ARHGAP20: variants seen among roughly 807,000 people sequenced by gnomAD.
ARHGAP20 encodes the protein rho GTPase-activating protein 20.
A neutral mutation model predicts 73.7 loss-of-function variants in ARHGAP20; 34 were observed. The observed-to-expected ratio is 0.46, with a 90% CI of 0.35 to 0.61. The LOEUF is 0.61. ARHGAP20 is among the 20% of genes least tolerant of loss of function. ARHGAP20 has a pLI of 0.00. For missense variants in ARHGAP20, 1,314 were observed against 1,420.9 expected (o/e 0.92, Z 1.21); for synonymous variants, 523 against 518.2 (o/e 1.01, Z -0.13).
chr11:110,596,486 G>A (rs1947964509), intron 9 of ARHGAP20, among the ~76,000 whole-genome samples: 1 of 152,082 alleles, frequency 6.6e-6, no homozygotes, highest in Non-Finnish European at 1.5e-5. Flanking sequence ...CAAAGGATAT[G>A]AACAGACACT....
At chr11:110,612,933 T>C (rs553553590) in intron 6 of ARHGAP20, among the ~76,000 whole-genome samples, 3 of 152,308 alleles carry the variant, frequency 2.0e-5, no homozygotes, top group South Asian at 2.1e-4. Context: ...CAGAGTGTCA[T>C]AGGTATGAGA....
At chr11:110,686,407 A>G (rs191308633) in intron 2 of ARHGAP20, among the ~76,000 whole-genome samples, 1 of 152,272 alleles carries the variant, frequency 6.6e-6, no homozygotes, top group East Asian at 1.9e-4. Flanking sequence ...CAAGAATTTA[A>G]AAGGAAATAC....
Position 110,614,266 on chromosome 11 carries a change from A to G in ARHGAP20, c.630+295T>C, listed in dbSNP as rs116222179. On this transcript the variant is annotated intron_variant, in intron 6 of 14. Transcript: ENST00000683387. Reference sequence around the variant, plus strand: ...AAGGATTCAGAGAAATATTCATGCCAGAGGGAGGACAGAGACATGTCACAA... The same window carrying G: ...AAGGATTCAGAGAAATATTCATGCCGGAGGGAGGACAGAGACATGTCACAA... Among the ~76,000 whole-genome samples, 611 of 152,358 alleles carry G rather than the reference A, an allele frequency of 4.0e-3. 6 individuals are homozygous for G. The highest frequency in any genetic ancestry group is 0.014 in the African/African-American group (571 of 41,578).
intron 1 of ARHGAP20, among the ~76,000 whole-genome samples, chr11:110,702,205 T>A (rs555736312): frequency 6.6e-6 from 1 of 152,226 alleles, no homozygotes; most frequent in South Asian, 2.1e-4. Flanking sequence ...GTGGGCTTCA[T>A]CCCTGGGATG....
intron 10 of ARHGAP20, among the ~76,000 whole-genome samples, chr11:110,591,316 G>A (rs1271024263): frequency 6.6e-6 from 1 of 152,174 alleles, no homozygotes; most frequent in Non-Finnish European, 1.5e-5. Context: ...GTAAACGGAT[G>A]AGATGATGAC....
At chr11:110,637,862 G>A (rs1229151757) in intron 2 of ARHGAP20, among the ~76,000 whole-genome samples, 1 of 152,070 alleles carries the variant, frequency 6.6e-6, no homozygotes, top group African/African-American at 2.4e-5. Flanking sequence ...AGGCTGAAGG[G>A]CACTTTAAGA....
intron 2 of ARHGAP20, among the ~76,000 whole-genome samples, chr11:110,657,920 GAGGAAGGAAGGAAGGAAGGA>G (rs3044293): frequency 6.0e-5 from 8 of 134,110 alleles, no homozygotes; most frequent in African/African-American, 1.2e-4. Flanking sequence ...AAAAGAGAGA[GAGGAAGGAAGGAAGGAAGGA>G]AGGAAGGAAG....
At chr11:110,692,884 G>T (rs1052818469) in intron 1 of ARHGAP20, among the ~76,000 whole-genome samples, 6 of 151,964 alleles carry the variant, frequency 3.9e-5, no homozygotes, top group African/African-American at 1.4e-4. Flanking sequence ...GGTTTGTTGA[G>T]AAATCTATAA....
rs1257156394 is a variant in ARHGAP20, at chr11:110,701,208, T to G, written c.106-10579A>C. 3.3e-5 allele frequency among the ~76,000 whole-genome samples: 5 copies of G among 151,110 alleles called. 1 individual carries two copies. Among genetic ancestry groups the G allele is most frequent in the African/African-American group, 4.9e-5 (2 of 40,434 alleles). On this transcript the variant is annotated intron_variant, in intron 1 of 14. Transcript: ENST00000683387. ...TGAACTAGTTTACAGTCCAACAGTGTAAAAGTGTTCCTATTTCTCCACATC... is the reference window on the plus strand; with the variant it reads ...TGAACTAGTTTACAGTCCAACAGTGGAAAAGTGTTCCTATTTCTCCACATC...
intron 2 of ARHGAP20, among the ~76,000 whole-genome samples, chr11:110,633,077 A>G (rs1948892066): frequency 6.6e-6 from 1 of 152,178 alleles, no homozygotes; most frequent in Non-Finnish European, 1.5e-5. Flanking sequence ...GATATTCTCC[A>G]ATGCATTCTA....
In ARHGAP20 at chr11:110,578,533, C is replaced by T. The variant is rs967818996; in HGVS notation, c.*837G>A. ...TCTTTTCCTCCATATTGAGAGTGAA[C>T]GCTGTCAGGAGGTCACCTTCTAAAT... On this transcript the variant is annotated 3_prime_UTR_variant, in exon 15 of 15. Transcript: ENST00000683387. The T allele has an allele frequency of 7.9e-5, 78 of 985,378 alleles. No individual in the cohort carries two copies. The highest frequency in any genetic ancestry group is 2.3e-4 in the South Asian group (5 of 21,280). The allele number at this position is 985,378 out of a possible 1,614,324, so 61.0% of individuals were successfully genotyped here. A position where few individuals can be genotyped will look rare whatever the true frequency, so the allele number is the denominator to read the frequency against.
intron 5 of ARHGAP20, 84 bp from the exon 6 acceptor site, chr11:110,614,729 G>T (rs1948447069): frequency 1.1e-6 from 1 of 942,030 alleles, no homozygotes; most frequent in African/African-American, 1.7e-5. Context: ...AATTTATTTT[G>T]CTAATATTTC....
intron 1 of ARHGAP20, among the ~76,000 whole-genome samples, chr11:110,700,604 T>TATA (rs1555105264): frequency 1.3e-5 from 2 of 151,950 alleles, no homozygotes; most frequent in Non-Finnish European, 2.9e-5. Flanking sequence ...TTATTATTAT[T>TATA]ATACTTTAAG....
intron 2 of ARHGAP20, among the ~76,000 whole-genome samples, chr11:110,633,535 A>AT (rs2134964783): frequency 6.6e-6 from 1 of 152,148 alleles, no homozygotes; most frequent in South Asian, 2.1e-4. Flanking sequence ...TTGACTCACC[A>AT]TTTTTTCACT....
intron 4 of ARHGAP20, among the ~76,000 whole-genome samples, chr11:110,616,533 C>G (rs1419503986): frequency 6.6e-6 from 1 of 152,090 alleles, no homozygotes; most frequent in Non-Finnish European, 1.5e-5. Context: ...GCCACAAGGC[C>G]TGGCTAATTT....
chr11:110,676,830 A>T (rs1256769524), intron 2 of ARHGAP20, among the ~76,000 whole-genome samples: 4 of 152,046 alleles, frequency 2.6e-5, no homozygotes, highest in Non-Finnish European at 4.4e-5. Context: ...TTTTTTTTAA[A>T]AAATTGACAA....
At chr11:110,631,329 C>G (rs1948856453) in intron 2 of ARHGAP20, among the ~76,000 whole-genome samples, 1 of 152,102 alleles carries the variant, frequency 6.6e-6, no homozygotes, top group South Asian at 2.1e-4. Context: ...CAAATAATTC[C>G]CTCTTGCCCC....
At chr11:110,591,228 C>T (rs1947821704) in intron 10 of ARHGAP20, among the ~76,000 whole-genome samples, 1 of 152,136 alleles carries the variant, frequency 6.6e-6, no homozygotes, top group South Asian at 2.1e-4. Flanking sequence ...GACAAGCAAT[C>T]CATGGGATCC....
chr11:110,663,941 A>G (rs1949668394), intron 2 of ARHGAP20, among the ~76,000 whole-genome samples: 1 of 152,224 alleles, frequency 6.6e-6, no homozygotes, highest in African/African-American at 2.4e-5. Flanking sequence ...CAGTCATTTT[A>G]ACATTAAAAA....
Sources: allele counts gnomAD v4.1 joint callset (sites outside exome capture counted in the v4.1 genomes callset), GRCh38; gene constraint gnomAD v4.1.1; transcripts MANE v1.5; gene names NCBI Gene and HGNC (gene_info 2026-07-23, HGNC 2026-07-21).